Variants in ABHD16A observed in about 807,000 individuals in gnomAD.
ABHD16A encodes the protein phosphatidylserine lipase ABHD16A.
In ABHD16A, 47 loss-of-function variants were observed where a neutral mutation model predicts 89.8. The observed-to-expected ratio is 0.52, with a 90% CI of 0.41 to 0.67. ABHD16A has a LOEUF of 0.67. Among genes scored for constraint, ABHD16A ranks in the 30% least tolerant of loss-of-function variants. The pLI, the probability that ABHD16A is intolerant of heterozygous loss-of-function variation, is 0.00. For synonymous variants in ABHD16A, 251 were observed against 280.4 expected (o/e 0.90, Z 1.05); for missense variants, 580 against 734.6 (o/e 0.79, Z 2.43).
intron 1 of ABHD16A, chr6:31,702,761 G>GAA: frequency 1.3e-6 from 2 of 1,513,700 alleles, no homozygotes; most frequent in Non-Finnish European, 8.8e-7. Flanking sequence ...CAGAGCCGGG[G>GAA]GAGGCATGAA....
rs776530169 is a variant in ABHD16A, at chr6:31,687,747, A to G, written c.1448-7T>C. 4 of 1,612,798 alleles carry G rather than the reference A, an allele frequency of 2.5e-6. No homozygotes were observed. The South Asian group carries it at 4.4e-5, about 18-fold the overall frequency. On this transcript the variant is annotated splice_polypyrimidine_tract_variant and splice_region_variant and intron_variant, in intron 17 of 19. Transcript: ENST00000395952. This position sits in a 1 kb window ranked among gnomAD's most constrained non-coding sequence, Gnocchi z 6.3. Reference sequence around the variant, plus strand: ...CATCGGCTATAAATTGAGGCTGGTCAGGGAGAGAGATGACAGCCAGTCAGC... The same window carrying G: ...CATCGGCTATAAATTGAGGCTGGTCGGGGAGAGAGATGACAGCCAGTCAGC...
chr6:31,703,252 G>T lies in ABHD16A; in HGVS notation c.30C>A (p.Gly10=). ...CCCGGTAGATTTTGTAGAGCCGGGGGCCTAGGACGCAGCTCAGCAGCTTCG... is the reference window on the plus strand; with the variant it reads ...CCCGGTAGATTTTGTAGAGCCGGGGTCCTAGGACGCAGCTCAGCAGCTTCG... MAKLLSCVL[G]PRLYKIYRER... Residue 10 remains glycine, a synonymous_variant, in exon 1 of 20, where the codon GGC becomes GGA. Transcript: ENST00000395952. 1 of 1,409,646 alleles carries T rather than the reference G, an allele frequency of 7.1e-7. No homozygotes were observed. The highest frequency in any genetic ancestry group is 2.7e-5 in the East Asian group (1 of 36,496). The allele number at this position is 1,409,646 out of a possible 1,614,324, so 87.3% of individuals were successfully genotyped here.
At chr6:31,702,008 G>A in intron 2 of ABHD16A, 66 bp downstream of exon 2, 1 of 1,589,016 alleles carries the variant, frequency 6.3e-7, no homozygotes, top group Admixed American at 1.7e-5. Flanking sequence ...AAGTTAGGGA[G>A]GGCTAAGTTC....
chr6:31,693,514 C>A lies in ABHD16A; in HGVS notation c.430-82G>T. On this transcript the variant is annotated intron_variant, in intron 5 of 19. Transcript: ENST00000395952. The surrounding 1 kb of genome is among the most constrained non-coding windows in gnomAD (Gnocchi z 5.0). ...CCACCCTCAACAACACCTTCGTTAT[C>A]CAGGGGTCTGATCCCCACACATCAT... 7.5e-7 allele frequency: 1 copy of A among 1,341,522 alleles called. No homozygotes were observed. The highest frequency in any genetic ancestry group is 1.1e-6 in the Non-Finnish European group (1 of 948,148). The allele number at this position is 1,341,522 out of a possible 1,614,324, so 83.1% of individuals were successfully genotyped here. A position where few individuals can be genotyped will look rare whatever the true frequency, so the allele number is the denominator to read the frequency against.
chr6:31,699,446 T>C (rs1276676035), intron 4 of ABHD16A, among the ~76,000 whole-genome samples: 1 of 151,702 alleles, frequency 6.6e-6, no homozygotes, highest in East Asian at 1.9e-4. Flanking sequence ...CATGCCCTTG[T>C]TGTCTTCGGT....
chr6:31,689,592 C>T lies in ABHD16A; in HGVS notation c.1070G>A (p.Gly357Asp). Residue 357 changes from glycine to aspartate, a missense_variant, in exon 12 of 20, where the codon GGC becomes GAC. Transcript: ENST00000395952. ...QDIIIYAWSIGGFTATWAAMS... is the reference protein window; with the variant it reads ...QDIIIYAWSIDGFTATWAAMS... The stretch of plus-strand genomic sequence containing the variant: ...AGGGAGGCTGGTACCAGTGAAGCCG[C>T]CGATGGACCAGGCGTAGATGATGAT... 1 of 1,600,450 alleles carries T rather than the reference C, an allele frequency of 6.2e-7. No homozygotes were observed. Among genetic ancestry groups the T allele is most frequent in the South Asian group, 1.1e-5 (1 of 89,148 alleles).
Position 31,688,931 on chromosome 6 carries a change from C to A in ABHD16A, c.1186+84G>T. 7 of 1,446,242 alleles carry A rather than the reference C, an allele frequency of 4.8e-6. No homozygotes were observed. Among genetic ancestry groups the A allele is most frequent in the East Asian group, 2.4e-5 (1 of 41,932 alleles). The allele number at this position is 1,446,242 out of a possible 1,614,324, so 89.6% of individuals were successfully genotyped here. A position where few individuals can be genotyped will look rare whatever the true frequency, so the allele number is the denominator to read the frequency against. ...AACAATGGGGCGACTTACTCCCCAC[C>A]CAAGAAAAGGGAGCCATCTCAGAAC... On this transcript the variant is annotated intron_variant, in intron 13 of 19. Coordinates refer to ENST00000395952, the MANE Select transcript of ABHD16A (RefSeq NM_021160.3). The surrounding 1 kb of genome is among the most constrained non-coding windows in gnomAD (Gnocchi z 4.9).
At position 31,688,838 on chromosome 6, in the gene ABHD16A, A is replaced by G. The variant is rs755114430; in HGVS notation, c.1187-52T>C. ...GGCAGAGACAAAGCCCTTGCCCAAC[A>G]TAAAGGTCCTCACTATTCACGGAGA... On this transcript the variant is annotated intron_variant, in intron 13 of 19. Transcript: ENST00000395952. This position sits in a 1 kb window ranked among gnomAD's most constrained non-coding sequence, Gnocchi z 4.9. The G allele has an allele frequency of 1.9e-6, 3 of 1,576,150 alleles. No individual in the cohort carries two copies. The highest frequency in any genetic ancestry group is 3.4e-5 in the Admixed American group (2 of 57,978).
Position 31,690,641 on chromosome 6 carries a change from T to C in ABHD16A, c.844-39A>G, listed in dbSNP as rs937646600. ...AGGAAGGAAGGGCTGGGGGGCCAAG[T>C]TGGGACTGAAAAACTCCCTTTGGGC... On this transcript the variant is annotated intron_variant, in intron 9 of 19. Transcript: ENST00000395952. The surrounding 1 kb of genome is among the most constrained non-coding windows in gnomAD (Gnocchi z 4.1). The C allele has an allele frequency of 1.9e-6, 3 of 1,604,338 alleles. No individual in the cohort carries two copies. The highest frequency in any genetic ancestry group is 4.5e-5 in the East Asian group (2 of 44,828).
chr6:31,693,536 T>C lies in ABHD16A; in HGVS notation c.430-104A>G, dbSNP rs1804112258. 8 of 1,100,536 alleles carry C rather than the reference T, an allele frequency of 7.3e-6. No homozygotes were observed. Among genetic ancestry groups the C allele is most frequent in the Non-Finnish European group, 8.1e-6 (6 of 742,458 alleles). The allele number at this position is 1,100,536 out of a possible 1,614,324, so 68.2% of individuals were successfully genotyped here. A position where few individuals can be genotyped will look rare whatever the true frequency, so the allele number is the denominator to read the frequency against. ...TATCCAGGGGTCTGATCCCCACACATCATGGGGAAACCAAGCGGAGGTCAA... is the reference window on the plus strand; with the variant it reads ...TATCCAGGGGTCTGATCCCCACACACCATGGGGAAACCAAGCGGAGGTCAA... On this transcript the variant is annotated intron_variant, in intron 5 of 19. Transcript: ENST00000395952. The surrounding 1 kb of genome is among the most constrained non-coding windows in gnomAD (Gnocchi z 5.0).
In ABHD16A at chr6:31,691,700, T is replaced by A. The variant is rs1168270321; in HGVS notation, c.742-20A>T. ...ATTACACTGAGTACGGAAGACGCAATGGCCAAGATGCAAGGGTCAGGAGGC... is the reference window on the plus strand; with the variant it reads ...ATTACACTGAGTACGGAAGACGCAAAGGCCAAGATGCAAGGGTCAGGAGGC... On this transcript the variant is annotated intron_variant, in intron 8 of 19. Coordinates refer to ENST00000395952, the MANE Select transcript of ABHD16A (RefSeq NM_021160.3). 7.2e-7 allele frequency: 1 copy of A among 1,384,954 alleles called. No individual in the cohort carries two copies. Among genetic ancestry groups the A allele is most frequent in the Admixed American group, 2.1e-5 (1 of 46,998 alleles). 85.8% of individuals were successfully genotyped at this position (1,384,954 alleles called of 1,614,324 possible).
intron 3 of ABHD16A, 74 bp from the exon 4 acceptor site, chr6:31,701,102 C>T: frequency 1.4e-6 from 2 of 1,405,800 alleles, no homozygotes; most frequent in East Asian, 2.3e-5. Context: ...TCAGCCCCAA[C>T]CTCCACCCCA....
chr6:31,701,627 GTCTC>G (rs754472603), intron 2 of ABHD16A, among the ~76,000 whole-genome samples: 1 of 152,130 alleles, frequency 6.6e-6, no homozygotes, highest in African/African-American at 2.4e-5. Flanking sequence ...TTTAAAGGCA[GTCTC>G]TCTGTCTACT....
chr6:31,689,156 A>G (rs1172736442), intron 12 of ABHD16A, 37 bp from the exon 13 acceptor site: 22 of 1,580,588 alleles, frequency 1.4e-5, no homozygotes, highest in Non-Finnish European at 1.8e-5. Flanking sequence ...AAGAACTGAG[A>G]AAGGCTCCTT....
Position 31,696,365 on chromosome 6 carries a change from G to C in ABHD16A, c.429+583C>G, listed in dbSNP as rs149012727. Reference sequence around the variant, plus strand: ...AAAAAAAAAGAGGCCAGGAGTGGTGGCTCACGCCTGTAATCCCAGCACTTT... The same window carrying C: ...AAAAAAAAAGAGGCCAGGAGTGGTGCCTCACGCCTGTAATCCCAGCACTTT... On this transcript the variant is annotated intron_variant, in intron 5 of 19. Transcript: ENST00000395952. 5.7e-3 allele frequency among the ~76,000 whole-genome samples: 865 copies of C among 151,740 alleles called. 5 individuals are homozygous for C. Among genetic ancestry groups the C allele is most frequent in the Middle Eastern group, 0.024 (7 of 294 alleles).
At chr6:31,692,080 C>T in intron 7 of ABHD16A, 162 bp from the exon 8 acceptor site, 1 of 601,274 alleles carries the variant, frequency 1.7e-6, no homozygotes, top group Non-Finnish European at 2.9e-6. Flanking sequence ...ATGTACCAGG[C>T]TAGTGTTTTG....
rs1803587904 is a variant in ABHD16A at position 31,689,063 on chromosome 6, A to G, written c.1138T>C (p.Phe380Leu). The change falls in exon 13 of 20, where the codon TTT becomes CTT. Residue 380 changes from phenylalanine (F) to leucine (L), a missense_variant. Phe to Leu is a conservative substitution (Grantham distance 22, BLOSUM62 0). This residue lies in a region of ABHD16A where 415 missense variants were observed against 568.8 expected (regional missense o/e 0.73). Coordinates refer to ENST00000395952, the MANE Select transcript of ABHD16A (RefSeq NM_021160.3). ...DVSAMILDASFDDLVPLALKV... is the reference protein window; with the variant it reads ...DVSAMILDASLDDLVPLALKV... ...AAGGCCAAGGGCACCAGGTCATCAA[A>G]GGAGGCATCCAGGATCATGGCACTA... The G allele has an allele frequency of 1.2e-6, 2 of 1,614,044 alleles. No individual in the cohort carries two copies. The highest frequency in any genetic ancestry group is 2.7e-5 in the African/African-American group (2 of 74,996).
intron 12 of ABHD16A, 70 bp from the exon 13 acceptor site, chr6:31,689,189 A>C (rs2151224299): frequency 1.4e-4 from 202 of 1,409,912 alleles, no homozygotes; most frequent in Non-Finnish European, 1.8e-4. Flanking sequence ...CCATGCTCTC[A>C]TCCCACTGAC....
chr6:31,687,716 A>C lies in ABHD16A; in HGVS notation c.1472T>G (p.Val491Gly). 2 of 1,612,318 alleles carry C rather than the reference A, an allele frequency of 1.2e-6. No homozygotes were observed. The highest frequency in any genetic ancestry group is 1.7e-6 in the Non-Finnish European group (2 of 1,179,822). Residue 491 changes from valine (V) to glycine (G), a missense_variant, in exon 18 of 20, where the codon GTG (valine) becomes GGG (glycine). By Grantham distance (109) the Val-to-Gly change is moderately radical. This residue lies in a region of ABHD16A where 415 missense variants were observed against 568.8 expected (regional missense o/e 0.73). Coordinates refer to ENST00000395952, the MANE Select transcript of ABHD16A (RefSeq NM_021160.3). This position sits in a 1 kb window ranked among gnomAD's most constrained non-coding sequence, Gnocchi z 6.3. Reference protein sequence around the residue: ...EEASIYSRWEVEEDWCLSVLR... With the variant: ...EEASIYSRWEGEEDWCLSVLR... ...GACAGACAGACACCAGTCCTCTTCC[A>C]CCTCCCATCGGCTATAAATTGAGGC...
Sources: allele counts gnomAD v4.1 joint callset (sites outside exome capture counted in the v4.1 genomes callset), GRCh38; gene constraint gnomAD v4.1.1; regional missense constraint gnomAD v4.1.1; non-coding constraint Gnocchi (gnomAD v3.1); transcripts MANE v1.5; gene names NCBI Gene and HGNC (gene_info 2026-07-23, HGNC 2026-07-21).